RTN4RL1: variants seen among roughly 807,000 people sequenced by gnomAD.
RTN4RL1 encodes the protein reticulon 4 receptor like 1.
A neutral mutation model predicts 25.6 loss-of-function variants in RTN4RL1; 7 were observed. The ratio of observed to expected loss-of-function variants is 0.27; its 90% confidence interval spans 0.16 to 0.51. The LOEUF (loss-of-function observed/expected upper bound fraction) is 0.51. Among genes scored for constraint, RTN4RL1 ranks in the 20% least tolerant of loss-of-function variants. The pLI is 0.97. For synonymous variants in RTN4RL1, 297 were observed against 288.2 expected, an observed-to-expected ratio of 1.03 and a Z score of -0.31; for missense variants, 500 against 615.6, an observed-to-expected ratio of 0.81 and a Z score of 1.99.
At chr17:1,942,713 C>G (rs2151305087) in intron 1 of RTN4RL1, among the ~76,000 whole-genome samples, 1 of 152,212 alleles carries the variant, frequency 6.6e-6, no homozygotes, top group South Asian at 2.1e-4. Context: ...GGTCAGGGAG[C>G]ATGGGGGCAG....
chr17:2,004,398 A>T (rs1183615438), intron 1 of RTN4RL1, among the ~76,000 whole-genome samples: 1 of 151,512 alleles, frequency 6.6e-6, no homozygotes, highest in East Asian at 1.9e-4. Context: ...AAAAGCAAAA[A>T]ACAAAACAAA....
chr17:1,943,472 G>A (rs922644901), intron 1 of RTN4RL1, among the ~76,000 whole-genome samples: 1 of 152,236 alleles, frequency 6.6e-6, no homozygotes, highest in Admixed American at 6.5e-5. Flanking sequence ...GGGCAGGGCC[G>A]TGGGGCTCTC....
chr17:2,023,546 G>C (rs1216831147), intron 1 of RTN4RL1: 1 of 152,348 alleles, frequency 6.6e-6, no homozygotes, highest in Non-Finnish European at 1.5e-5. Context: ...ACCACCACAC[G>C]GCCTTCACTG....
intron 1 of RTN4RL1, among the ~76,000 whole-genome samples, chr17:1,973,147 G>A (rs1046691642): frequency 1.3e-5 from 2 of 152,122 alleles, no homozygotes; most frequent in Non-Finnish European, 2.9e-5. Flanking sequence ...CACATCACTC[G>A]AGATCAGGAG....
chr17:1,937,030 G>T lies in RTN4RL1; in HGVS notation c.792C>A (p.Arg264=). Residue 264 remains arginine (R), a synonymous_variant, in exon 2 of 2, where the codon CGC becomes CGA. Transcript: ENST00000331238. The part of the protein sequence containing the change: ...GNPWDCGCRA[R]SLWEWLQRFR... ...ACCTCTGCAGCCATTCCCACAGGGAGCGCGCGCGACAACCACAGTCCCAGG... is the reference window on the plus strand; with the variant it reads ...ACCTCTGCAGCCATTCCCACAGGGATCGCGCGCGACAACCACAGTCCCAGG... 1 of 1,604,422 alleles carries T rather than the reference G, an allele frequency of 6.2e-7. No homozygotes were observed.
rs369908788 is a variant in RTN4RL1, at chr17:1,941,171, CT to C, written c.14-3364del. Among the ~76,000 whole-genome samples the C allele has an allele frequency of 6.2e-4, 95 of 152,304 alleles. No homozygotes were observed. In the East Asian group the frequency reaches 0.016, roughly 25 times the overall value. ...TCTGTAAGGTCCAGGATGCAGTTCT[CT>C]GAAATGACACCCGGAGAAGCTAATA... is the stretch of plus-strand genomic sequence containing the variant. On this transcript the variant is annotated intron_variant, in intron 1 of 1. Transcript: ENST00000331238.
chr17:1,978,633 TG>T (rs35569086), intron 1 of RTN4RL1, among the ~76,000 whole-genome samples: 42,783 of 146,478 alleles, frequency 0.29, 6,242 homozygotes, highest in South Asian at 0.4. Context: ...ATCCGGAAAA[TG>T]GGGGGGGTGG....
intron 1 of RTN4RL1, among the ~76,000 whole-genome samples, chr17:1,990,970 A>G (rs1320457067): frequency 6.6e-6 from 1 of 152,138 alleles, no homozygotes; most frequent in Non-Finnish European, 1.5e-5. Context: ...CAATGGAGAA[A>G]ATGAGAGCAT....
intron 1 of RTN4RL1, among the ~76,000 whole-genome samples, chr17:1,940,246 T>G (rs1477676594): frequency 1.3e-5 from 2 of 151,794 alleles, no homozygotes; most frequent in Non-Finnish European, 2.9e-5. Flanking sequence ...ACATAATTTG[T>G]TTTTTTTGCA....
At position 1,998,708 on chromosome 17, in the gene RTN4RL1, G is replaced by T. The variant is rs1403292795; in HGVS notation, c.13+26145C>A. Among the ~76,000 whole-genome samples the T allele has an allele frequency of 6.6e-6, 1 of 151,248 alleles. No homozygotes were observed. The highest frequency in any genetic ancestry group is 2.1e-4 in the South Asian group (1 of 4,808). On this transcript the variant is annotated intron_variant, in intron 1 of 1. Transcript: ENST00000331238. This position sits in a 1 kb window ranked among gnomAD's most constrained non-coding sequence, Gnocchi z 4.9. ...AAGCTGGCGCTGCCGGAGCGCCCGG[G>T]CCCCGCTCCCCTCACGGGCCTCGCA...
chr17:1,958,581 G>A (rs1237449251), intron 1 of RTN4RL1, among the ~76,000 whole-genome samples: 2 of 152,264 alleles, frequency 1.3e-5, no homozygotes, highest in African/African-American at 4.8e-5. Flanking sequence ...GGATTTGCTG[G>A]AGTTGGCACG....
chr17:2,002,701 C>T (rs963439903), intron 1 of RTN4RL1, among the ~76,000 whole-genome samples: 4 of 152,112 alleles, frequency 2.6e-5, no homozygotes, highest in Admixed American at 2.6e-4. Flanking sequence ...CCACGCCCGT[C>T]TCTCTCTGTT....
At chr17:2,021,854 C>CTTT (rs869227846) in intron 1 of RTN4RL1, among the ~76,000 whole-genome samples, 2 of 88,366 alleles carry the variant, frequency 2.3e-5, no homozygotes, top group East Asian at 3.7e-4. Flanking sequence ...TGTGCCCGGT[C>CTTT]TTTTTTTTTT....
chr17:1,954,857 T>C (rs1369537798), intron 1 of RTN4RL1, among the ~76,000 whole-genome samples: 1 of 152,138 alleles, frequency 6.6e-6, no homozygotes, highest in African/African-American at 2.4e-5. Flanking sequence ...TTATTGTGGG[T>C]AAATGGAGAT....
At chr17:2,023,283 G>C (rs559815495) in intron 1 of RTN4RL1, among the ~76,000 whole-genome samples, 26 of 152,308 alleles carry the variant, frequency 1.7e-4, no homozygotes, top group Non-Finnish European at 3.2e-4. Context: ...TCTGTGCAAA[G>C]ACACTTTGGC....
intron 1 of RTN4RL1, among the ~76,000 whole-genome samples, chr17:1,959,855 G>A (rs939899625): frequency 2.6e-5 from 4 of 152,128 alleles, no homozygotes; most frequent in African/African-American, 9.7e-5. Context: ...GAGCCACCGC[G>A]CCCAGCCAGG....
At chr17:1,946,323 C>A (rs557666505) in intron 1 of RTN4RL1, among the ~76,000 whole-genome samples, 1 of 152,354 alleles carries the variant, frequency 6.6e-6, no homozygotes, top group South Asian at 2.1e-4. Context: ...CAGGCAGGCA[C>A]AAGGCACGTG....
At chr17:2,017,060 T>C (rs1197659547) in intron 1 of RTN4RL1, among the ~76,000 whole-genome samples, 1 of 152,200 alleles carries the variant, frequency 6.6e-6, no homozygotes. Flanking sequence ...CCTATCGCCG[T>C]ATAAATAAAT....
intron 1 of RTN4RL1, among the ~76,000 whole-genome samples, chr17:1,971,910 C>T (rs1425743176): frequency 2.9e-5 from 4 of 136,636 alleles, no homozygotes; most frequent in African/African-American, 5.6e-5. Flanking sequence ...TGCAGTGAGC[C>T]GAGATTGCGC....
Sources: gnomAD v4.1 joint callset for allele counts (sites outside exome capture counted in the v4.1 genomes callset) on GRCh38, gnomAD v4.1.1 for gene constraint, Gnocchi (gnomAD v3.1) non-coding constraint, MANE v1.5 for transcripts, NCBI Gene and HGNC (gene_info 2026-07-23, HGNC 2026-07-21) for gene names.